NME7: variants seen among roughly 807,000 people sequenced by gnomAD.
NME7 encodes the protein nucleoside diphosphate kinase 7.
Under a neutral mutation model 49.1 loss-of-function variants are expected in NME7, and 41 were observed. The ratio of observed to expected loss-of-function variants is 0.83; its 90% CI spans 0.65 to 1.08. NME7 has a LOEUF of 1.08. Ranked by LOEUF, NME7 falls within the 50% of genes least tolerant of loss-of-function variation. The pLI, the probability that NME7 is intolerant of heterozygous loss-of-function variation, is 0.00. For synonymous variants in NME7, 139 were observed against 150.6 expected (o/e 0.92, Z 0.56); for missense variants, 423 against 463.4 (o/e 0.91, Z 0.80).
At chr1:169,206,717 T>C (rs1277546695) in intron 10 of NME7, among the ~76,000 whole-genome samples, 1 of 151,762 alleles carries the variant, frequency 6.6e-6, no homozygotes, top group Non-Finnish European at 1.5e-5. Context: ...TGTGATATAA[T>C]GTACATATTT....
At chr1:169,299,073 C>T (rs1235546826) in intron 5 of NME7, among the ~76,000 whole-genome samples, 1 of 152,118 alleles carries the variant, frequency 6.6e-6, no homozygotes, top group Admixed American at 6.6e-5. Flanking sequence ...TTTCCCAGTG[C>T]TCTAACAGGT....
At chr1:169,358,260 A>AT (rs1382876390) in intron 1 of NME7, among the ~76,000 whole-genome samples, 1 of 152,062 alleles carries the variant, frequency 6.6e-6, no homozygotes, top group Non-Finnish European at 1.5e-5. Flanking sequence ...CAGTTTATAA[A>AT]TTACTTTCAT....
chr1:169,151,414 C>T (rs1027086927), intron 11 of NME7, among the ~76,000 whole-genome samples: 6 of 152,152 alleles, frequency 3.9e-5, no homozygotes, highest in African/African-American at 1.4e-4. Flanking sequence ...CCTCTTCACC[C>T]GCTCCTGACT....
intron 10 of NME7, among the ~76,000 whole-genome samples, chr1:169,207,501 G>T (rs1170801663): frequency 6.6e-6 from 1 of 152,054 alleles, no homozygotes; most frequent in Admixed American, 6.6e-5. Context: ...ACACCCAAGG[G>T]GGAAGAGGAT....
At position 169,291,676 on chromosome 1, in the gene NME7, A is replaced by G. The variant is rs1381784333; in HGVS notation, c.649-4268T>C. 2.0e-5 allele frequency among the ~76,000 whole-genome samples: 3 copies of G among 151,892 alleles called. No individual in the cohort carries two copies. The East Asian group carries it at 5.8e-4, about 29-fold the overall frequency. On this transcript the variant is annotated intron_variant, in intron 6 of 11. Coordinates refer to ENST00000367811, the MANE Select transcript of NME7 (RefSeq NM_013330.5). ...TAATAATAATAATAATAATAAAAAG[A>G]AATAGACACAGCCACTTCAACCTTT...
chr1:169,171,258 C>G (rs34975352), intron 10 of NME7, among the ~76,000 whole-genome samples: 36,781 of 151,756 alleles, frequency 0.24, 5,423 homozygotes, highest in Non-Finnish European at 0.34. Context: ...GTCCCAGCTA[C>G]TTGGGAGGCT....
rs1274592070 is a variant in NME7, at chr1:169,132,662, TC to T, written c.*122del. 4 of 853,854 alleles carry T rather than the reference TC, an allele frequency of 4.7e-6. No homozygotes were observed. Among genetic ancestry groups the T allele is most frequent in the African/African-American group, 1.7e-5 (1 of 58,536 alleles). The allele number at this position is 853,854 out of a possible 1,614,324, so 52.9% of individuals were successfully genotyped here. On this transcript the variant is annotated 3_prime_UTR_variant, in exon 12 of 12. Coordinates refer to ENST00000367811, the MANE Select transcript of NME7 (RefSeq NM_013330.5). ...GTAATAATTGCCAGGAGTACAGTGCTCTTGTTGATCTTGTATTCAGTCAGGT... is the reference window on the plus strand; with the variant it reads ...GTAATAATTGCCAGGAGTACAGTGCTTTGTTGATCTTGTATTCAGTCAGGT...
intron 10 of NME7, among the ~76,000 whole-genome samples, chr1:169,180,378 G>A (rs1450077054): frequency 1.3e-5 from 2 of 152,150 alleles, no homozygotes; most frequent in Non-Finnish European, 1.5e-5. Flanking sequence ...AATTGCTGAC[G>A]AGGCAGACAG....
intron 10 of NME7, among the ~76,000 whole-genome samples, chr1:169,222,196 AT>A (rs1661164412): frequency 6.6e-6 from 1 of 152,130 alleles, no homozygotes; most frequent in South Asian, 2.1e-4. Context: ...AATACTATGT[AT>A]TCTATTTTTT....
At chr1:169,277,506 A>G (rs1649785407) in intron 7 of NME7, among the ~76,000 whole-genome samples, 4 of 100,270 alleles carry the variant, frequency 4.0e-5, no homozygotes, top group African/African-American at 1.0e-4. Context: ...CTAGGATTGC[A>G]ACCCCTGCCT....
intron 10 of NME7, among the ~76,000 whole-genome samples, chr1:169,191,733 T>C (rs1157978736): frequency 6.6e-6 from 1 of 152,216 alleles, no homozygotes; most frequent in Non-Finnish European, 1.5e-5. Flanking sequence ...ATTCAGCGTA[T>C]TTTTTCAATC....
At chr1:169,367,623 C>CT in intron 1 of NME7, 85 bp downstream of exon 1, 1 of 1,531,424 alleles carries the variant, frequency 6.5e-7, no homozygotes, top group Non-Finnish European at 9.1e-7. Context: ...GACCGGACAA[C>CT]TTTAAGTGCC....
Position 169,342,837 on chromosome 1 carries a change from CAT to C in NME7, c.4-18339_4-18338del, listed in dbSNP as rs71121766. ...TATATAGTATATATATATACAAGTA[CAT>C]ATATATATAGTATATATATATACAA... On this transcript the variant is annotated intron_variant, in intron 1 of 11. Coordinates refer to ENST00000367811, the MANE Select transcript of NME7 (RefSeq NM_013330.5). Among the ~76,000 whole-genome samples, 67 of 38,060 alleles carry C rather than the reference CAT, an allele frequency of 1.8e-3. 4 individuals carry two copies. Among genetic ancestry groups the C allele is most frequent in the East Asian group, 7.7e-3 (2 of 260 alleles). The allele number at this position is 38,060 out of a possible 152,430, so 25.0% of individuals were successfully genotyped here. A position where few individuals can be genotyped will look rare whatever the true frequency, so the allele number is the denominator to read the frequency against.
At chr1:169,348,878 CAAAAGA>C (rs1175298400) in intron 1 of NME7, among the ~76,000 whole-genome samples, 1 of 122,754 alleles carries the variant, frequency 8.1e-6, no homozygotes, top group Non-Finnish European at 1.7e-5. Context: ...TACATAAAAG[CAAAAGA>C]AAGAGTTAAC....
rs1413477552 is a variant in NME7 at position 169,257,490 on chromosome 1, G to A, written c.755-19803C>T. Among the ~76,000 whole-genome samples the A allele has an allele frequency of 1.5e-5, 2 of 129,680 alleles. 1 individual carries two copies. The highest frequency in any genetic ancestry group is 5.2e-5 in the African/African-American group (2 of 38,392). 85.1% of individuals were successfully genotyped at this position (129,680 alleles called of 152,430 possible). The stretch of plus-strand genomic sequence containing the variant: ...GGCACTCCCTAGTGAGATGAACCCA[G>A]TACCTCAGATGTAAATGCAGAAATC... On this transcript the variant is annotated intron_variant, in intron 7 of 11. Coordinates refer to ENST00000367811, the MANE Select transcript of NME7 (RefSeq NM_013330.5).
At position 169,144,919 on chromosome 1, in the gene NME7, A is replaced by G. The variant is rs528861347; in HGVS notation, c.1099-12102T>C. Among the ~76,000 whole-genome samples the G allele has an allele frequency of 6.6e-4, 100 of 152,344 alleles. 3 individuals carry two copies. The South Asian group carries it at 0.02, about 30-fold the overall frequency. Reference sequence around the variant, plus strand: ...GTATCAGTTTCTGTTACAGAAAATCATCATGTAAACACTAGAACAATGAAT... The same window carrying G: ...GTATCAGTTTCTGTTACAGAAAATCGTCATGTAAACACTAGAACAATGAAT... On this transcript the variant is annotated intron_variant, in intron 11 of 11. Transcript: ENST00000367811.
At chr1:169,360,415 A>G (rs1292594642) in intron 1 of NME7, among the ~76,000 whole-genome samples, 6 of 152,228 alleles carry the variant, frequency 3.9e-5, no homozygotes. Context: ...AAATCCAAGG[A>G]AAATAAAATA....
intron 10 of NME7, among the ~76,000 whole-genome samples, chr1:169,201,560 G>A (rs1660551622): frequency 6.6e-6 from 1 of 152,130 alleles, no homozygotes; most frequent in Non-Finnish European, 1.5e-5. Context: ...TTTACGAGAT[G>A]GTGAGAAGGT....
At chr1:169,286,081 G>A (rs1365087125) in intron 7 of NME7, 1 of 152,010 alleles carries the variant, frequency 6.6e-6, no homozygotes, top group Non-Finnish European at 1.5e-5. Flanking sequence ...AAATATTAAT[G>A]AGGACTTAAC....
Sources: allele counts gnomAD v4.1 joint callset (sites outside exome capture counted in the v4.1 genomes callset), GRCh38; gene constraint gnomAD v4.1.1; transcripts MANE v1.5; gene names NCBI Gene and HGNC (gene_info 2026-07-23, HGNC 2026-07-21).